Variants in PHEX observed in about 807,000 individuals in gnomAD.
PHEX encodes phosphate-regulating neutral endopeptidase PHEX.
PHEX carries 16 observed loss-of-function variants against 68.0 expected under a neutral mutation model. The observed-to-expected ratio is 0.24, with a 90% confidence interval of 0.16 to 0.36. The LOEUF is 0.36. Among genes scored for constraint, PHEX ranks in the 10% least tolerant of loss-of-function variants. The probability of loss-of-function intolerance (pLI) is 1.00; values close to 1 mark genes in which losing one functional copy is unlikely to be tolerated. For synonymous variants in PHEX, 208 were observed against 205.1 expected (o/e 1.01, Z -0.12); for missense variants, 480 against 575.5 (o/e 0.83, Z 1.70).
Position 22,213,056 on chromosome X carries a change from G to A in PHEX, c.1700+98G>A, listed in dbSNP as rs1934982904. ...AAACAAAGTCAAAGGTTATTCAGCA[G>A]AAAGAAGCCATGGAATCTGGCGTGG... On this transcript the variant is annotated intron_variant, in intron 16 of 21. Coordinates refer to ENST00000379374, the MANE Select transcript of PHEX (RefSeq NM_000444.6). 1.4e-5 allele frequency: 10 copies of A among 695,953 alleles called. No homozygotes were observed. In the East Asian group the frequency reaches 2.9e-4, roughly 20 times the overall value. 57.4% of individuals were successfully genotyped at this position (695,953 alleles called of 1,213,427 possible). A position where few individuals can be genotyped will look rare whatever the true frequency, so the allele number is the denominator to read the frequency against.
intron 20 of PHEX, among the ~76,000 whole-genome samples, chrX:22,235,649 T>G (rs1415013701): frequency 9.0e-6 from 1 of 111,681 alleles, no homozygotes; most frequent in Non-Finnish European, 1.9e-5. Flanking sequence ...CAACTCCTAA[T>G]GCCATCACAT....
intron 3 of PHEX, among the ~76,000 whole-genome samples, chrX:22,052,795 G>C (rs576660174): frequency 9.1e-6 from 1 of 110,392 alleles, no homozygotes; most frequent in East Asian, 2.8e-4. Context: ...TGGACTCAAA[G>C]GGGGGAGGGT....
intron 18 of PHEX, among the ~76,000 whole-genome samples, chrX:22,224,887 T>G (rs1309632655): frequency 6.9e-5 from 1 of 14,544 alleles, no homozygotes; most frequent in Non-Finnish European, 1.4e-4. Context: ...GCAAGGTATA[T>G]TAGTTTTCTG....
chrX:22,237,376 A>G (rs1936017485), intron 20 of PHEX, among the ~76,000 whole-genome samples: 1 of 111,620 alleles, frequency 9.0e-6, no homozygotes, highest in Admixed American at 9.5e-5. Context: ...CAAAAGCAAC[A>G]ACATCATATC....
intron 5 of PHEX, among the ~76,000 whole-genome samples, chrX:22,088,549 A>G (rs2147033155): frequency 9.0e-6 from 1 of 111,186 alleles, no homozygotes; most frequent in South Asian, 3.9e-4. Flanking sequence ...TTTCCTAATG[A>G]CTAATGATGT....
At chrX:22,082,387 GATA>G (rs1929431475) in intron 5 of PHEX, among the ~76,000 whole-genome samples, 1 of 111,912 alleles carries the variant, frequency 8.9e-6, no homozygotes, top group African/African-American at 3.2e-5. Context: ...TTGACTTTTT[GATA>G]ATAACCATTC....
chrX:22,147,119 G>T (rs1291433083), intron 12 of PHEX, among the ~76,000 whole-genome samples: 1 of 111,394 alleles, frequency 9.0e-6, no homozygotes, highest in East Asian at 2.8e-4. Flanking sequence ...GGGATGGGTG[G>T]TGGTGATTTA....
At chrX:22,084,322 C>G (rs1929523124) in intron 5 of PHEX, among the ~76,000 whole-genome samples, 2 of 111,402 alleles carry the variant, frequency 1.8e-5, no homozygotes, top group African/African-American at 6.5e-5. Context: ...TTGAACTATC[C>G]TGGCATCCCT....
At chrX:22,133,749 A>G (rs1303733539) in intron 12 of PHEX, 125 bp downstream of exon 12, 16 of 525,581 alleles carry the variant, frequency 3.0e-5, no homozygotes, top group Middle Eastern at 5.2e-4. Flanking sequence ...CCCCAGAGTT[A>G]GCTGTCTGCT....
chrX:22,146,863 AAAAT>A (rs1234665498), intron 12 of PHEX, among the ~76,000 whole-genome samples: 20 of 110,914 alleles, frequency 1.8e-4, no homozygotes, highest in Non-Finnish European at 2.6e-4. Flanking sequence ...ATTAATTAAA[AAAAT>A]AAAAGACGAA....
intron 3 of PHEX, among the ~76,000 whole-genome samples, chrX:22,068,134 G>A (rs913512336): frequency 3.6e-5 from 4 of 110,670 alleles, no homozygotes; most frequent in Admixed American, 2.9e-4. Flanking sequence ...CACCGCGCCT[G>A]GCCTAACAAG....
In PHEX at chrX:22,090,431, G is replaced by A. The variant is rs1929828634; in HGVS notation, c.666G>A (p.Leu222=). ...DKASNEHILK[L]DQATLSLAVR... is the part of the protein sequence containing the mutation. ...GCTTTCTGTTTTTGTTTTTACAGCTGGACCAAGCAACACTCTCCCTGGCCG... is the reference window on the plus strand; with the variant it reads ...GCTTTCTGTTTTTGTTTTTACAGCTAGACCAAGCAACACTCTCCCTGGCCG... The change falls in exon 6 of 22, where the codon CTG becomes CTA. Residue 222 remains leucine (L), a splice_region_variant and synonymous_variant. Transcript: ENST00000379374. The A allele has an allele frequency of 1.7e-6, 2 of 1,203,956 alleles. No individual in the cohort carries two copies. Among genetic ancestry groups the A allele is most frequent in the African/African-American group, 1.8e-5 (1 of 57,062 alleles).
intron 18 of PHEX, among the ~76,000 whole-genome samples, chrX:22,224,947 A>AATTATAATACAGCGCTGTATGATTT (rs1935398469): frequency 4.3e-5 from 1 of 23,247 alleles, no homozygotes; most frequent in Non-Finnish European, 7.9e-5. Flanking sequence ...AAATAACATA[A>AATTATAATACAGCGCTGTATGATTT]ATTATCATAC....
chrX:22,226,586 T>C, intron 19 of PHEX, 78 bp downstream of exon 19: 1 of 758,477 alleles, frequency 1.3e-6, no homozygotes, highest in Admixed American at 2.2e-5. Flanking sequence ...ATTCATACCA[T>C]AGCCATGTTC....
chrX:22,217,298 C>G lies in PHEX; in HGVS notation c.1701-1738C>G, dbSNP rs58661292. 7.4e-3 allele frequency among the ~76,000 whole-genome samples: 834 copies of G among 112,440 alleles called. 9 individuals are homozygous for G. The highest frequency in any genetic ancestry group is 0.025 in the African/African-American group (791 of 31,025). On this transcript the variant is annotated intron_variant, in intron 16 of 21. Coordinates refer to ENST00000379374, the MANE Select transcript of PHEX (RefSeq NM_000444.6). The stretch of plus-strand genomic sequence containing the variant: ...TATGATTGAAATGAATAATTTCACT[C>G]TTACTTCTTTAATGAAGGTTTGCAA...
chrX:22,104,264 A>AG, intron 9 of PHEX, among the ~76,000 whole-genome samples: 1 of 111,345 alleles, frequency 9.0e-6, no homozygotes, highest in Middle Eastern at 4.7e-3. Context: ...CTGTGGGGAC[A>AG]GTGGCACTGA....
chrX:22,147,324 C>A (rs759162169), intron 12 of PHEX, among the ~76,000 whole-genome samples: 1 of 110,821 alleles, frequency 9.0e-6, no homozygotes, highest in Non-Finnish European at 1.9e-5. Flanking sequence ...TTGTGTTGCT[C>A]ATTCTCTTTG....
Position 22,032,811 on chromosome X carries a change from T to A in PHEX, c.-195T>A. ...GGGGAAAGCCAAGGCAACCAATATT[T>A]TGGTTTTTATAATTTTCATTTGTGA... On this transcript the variant is annotated 5_prime_UTR_variant, in exon 1 of 22. In the 5' UTR this introduces an upstream ATG that the reference lacks. Coordinates refer to ENST00000379374, the MANE Select transcript of PHEX (RefSeq NM_000444.6). 1 of 451,964 alleles carries A rather than the reference T, an allele frequency of 2.2e-6. No homozygotes were observed. Among genetic ancestry groups the A allele is most frequent in the Non-Finnish European group, 3.9e-6 (1 of 255,289 alleles). 37.2% of individuals were successfully genotyped at this position (451,964 alleles called of 1,213,427 possible).
chrX:22,209,957 A>T (rs1348133557), intron 15 of PHEX, among the ~76,000 whole-genome samples: 4 of 108,737 alleles, frequency 3.7e-5, no homozygotes, highest in African/African-American at 1.4e-4. Flanking sequence ...AAAAAAAAAT[A>T]AATAAATAAA....
Sources: gnomAD v4.1 joint callset for allele counts (sites outside exome capture counted in the v4.1 genomes callset) on GRCh38, gnomAD v4.1.1 for gene constraint, MANE v1.5 for transcripts, NCBI Gene and HGNC (gene_info 2026-07-23, HGNC 2026-07-21) for gene names.